AGPAT3: variants seen among roughly 807,000 people sequenced by gnomAD.
AGPAT3 encodes 1-acyl-sn-glycerol-3-phosphate acyltransferase gamma.
A neutral mutation model predicts 47.3 loss-of-function variants in AGPAT3; 5 were observed. That is an observed-to-expected ratio of 0.11 (90% CI 0.06 to 0.22). The LOEUF (loss-of-function observed/expected upper bound fraction) is 0.22, where lower values mean the gene tolerates loss of function less well. AGPAT3 is among the 10% of genes least tolerant of loss of function. AGPAT3 has a pLI of 1.00. For synonymous variants in AGPAT3, 212 were observed against 208.3 expected, an observed-to-expected ratio of 1.02 and a Z score of -0.15; for missense variants, 315 against 493.0, an observed-to-expected ratio of 0.64 and a Z score of 3.42.
At chr21:43,874,893 T>G (rs1377726517) in intron 1 of AGPAT3, among the ~76,000 whole-genome samples, 1 of 152,250 alleles carries the variant, frequency 6.6e-6, no homozygotes, top group Non-Finnish European at 1.5e-5. Flanking sequence ...GAACCCACCA[T>G]GGATACCAAA....
intron 2 of AGPAT3, among the ~76,000 whole-genome samples, chr21:43,929,526 T>A (rs563001881): frequency 7.9e-5 from 12 of 152,328 alleles, no homozygotes; most frequent in African/African-American, 2.9e-4. Context: ...GCAAGTGGGA[T>A]TGGCACACAG....
intron 4 of AGPAT3, 24 bp downstream of exon 4, chr21:43,968,139 C>T (rs1239729809): frequency 6.2e-7 from 1 of 1,601,074 alleles, no homozygotes; most frequent in Non-Finnish European, 8.5e-7. Context: ...TGGGGAGGGC[C>T]ACGGGTGAGC....
In AGPAT3 at chr21:43,932,134, A is replaced by G. The variant is rs532887652; in HGVS notation, c.-48-27500A>G. On this transcript the variant is annotated intron_variant, in intron 2 of 9. Transcript: ENST00000291572. The surrounding 1 kb of genome is among the most constrained non-coding windows in gnomAD (Gnocchi z 5.2). The stretch of plus-strand genomic sequence containing the variant: ...TTGGTGGTGTGGATGTTAAAAATCT[A>G]TTCTTTCCCTGATTTTGAAACATGA... Among the ~76,000 whole-genome samples the G allele has an allele frequency of 6.6e-6, 1 of 152,274 alleles. No homozygotes were observed. The highest frequency in any genetic ancestry group is 1.5e-5 in the Non-Finnish European group (1 of 68,024).
chr21:43,904,729 G>T (rs951025848), intron 2 of AGPAT3, among the ~76,000 whole-genome samples: 1 of 152,170 alleles, frequency 6.6e-6, no homozygotes, highest in Admixed American at 6.5e-5. Context: ...TTCCACCCCC[G>T]TTCCCAGGCC....
At chr21:43,925,117 A>C (rs1359911936) in intron 2 of AGPAT3, 8 of 152,272 alleles carry the variant, frequency 5.3e-5, no homozygotes, top group African/African-American at 1.9e-4. Context: ...GAAGACGGCC[A>C]CGGTGCCCAC....
At position 43,952,308 on chromosome 21, in the gene AGPAT3, G is replaced by C. The variant is rs1170196206; in HGVS notation, c.-48-7326G>C. Among the ~76,000 whole-genome samples, 5 of 152,108 alleles carry C rather than the reference G, an allele frequency of 3.3e-5. No homozygotes were observed. The highest frequency in any genetic ancestry group is 7.4e-5 in the Non-Finnish European group (5 of 68,024). ...AGGACACCGGTCAGATGGAATCAGC[G>C]CCCACCCTGATGATATCATTTAACT... On this transcript the variant is annotated intron_variant, in intron 2 of 9. Transcript: ENST00000291572. The surrounding 1 kb of genome is among the most constrained non-coding windows in gnomAD (Gnocchi z 5.6).
In AGPAT3 at chr21:43,970,341, C is replaced by T. The variant is rs972677249; in HGVS notation, c.511-312C>T. 2.6e-5 allele frequency among the ~76,000 whole-genome samples: 4 copies of T among 152,192 alleles called. No homozygotes were observed. The highest frequency in any genetic ancestry group is 5.9e-5 in the Non-Finnish European group (4 of 68,034). ...ATTTCTAACTCATGCTGTGGCAAGTCGATGAAACCCTCTCTGTTTTCACAC... is the reference window on the plus strand; with the variant it reads ...ATTTCTAACTCATGCTGTGGCAAGTTGATGAAACCCTCTCTGTTTTCACAC... On this transcript the variant is annotated intron_variant, in intron 5 of 9. Transcript: ENST00000291572. The surrounding 1 kb of genome is among the most constrained non-coding windows in gnomAD (Gnocchi z 5.8).
intron 2 of AGPAT3, among the ~76,000 whole-genome samples, chr21:43,928,097 G>A (rs1383695837): frequency 1.3e-5 from 2 of 152,208 alleles, no homozygotes; most frequent in African/African-American, 4.8e-5. Context: ...GCAGCTCCCG[G>A]ACGCAGCAGA....
chr21:43,961,935 A>G (rs1472473561), intron 3 of AGPAT3, among the ~76,000 whole-genome samples: 1 of 152,024 alleles, frequency 6.6e-6, no homozygotes, highest in Non-Finnish European at 1.5e-5. Context: ...CAGAGAGACT[A>G]GTAACCCAGC....
At chr21:43,915,186 G>A (rs1346496142) in intron 2 of AGPAT3, among the ~76,000 whole-genome samples, 1 of 151,582 alleles carries the variant, frequency 6.6e-6, no homozygotes, top group African/African-American at 2.4e-5. Context: ...CGAGTAGCTG[G>A]GATTACAGGT....
chr21:43,960,751 G>A (rs1326990100), intron 3 of AGPAT3: 13 of 985,216 alleles, frequency 1.3e-5, no homozygotes, highest in African/African-American at 1.7e-5. Context: ...AGTTTTAAGC[G>A]AAAAAGGAAG....
chr21:43,938,615 A>T (rs1372757514), intron 2 of AGPAT3, among the ~76,000 whole-genome samples: 1 of 152,122 alleles, frequency 6.6e-6, no homozygotes, highest in African/African-American at 2.4e-5. Flanking sequence ...TATTTTGTTC[A>T]GACACTAACT....
At chr21:43,914,501 T>G (rs2086688735) in intron 2 of AGPAT3, among the ~76,000 whole-genome samples, 1 of 152,198 alleles carries the variant, frequency 6.6e-6, no homozygotes, top group South Asian at 2.1e-4. Context: ...ATTTAAAAAT[T>G]TTTTAAAATA....
chr21:43,926,796 C>CT (rs2087070146), intron 2 of AGPAT3, among the ~76,000 whole-genome samples: 1 of 151,314 alleles, frequency 6.6e-6, no homozygotes. Flanking sequence ...CCCGTCTCTA[C>CT]TAAAAACACA....
rs537602812 is a variant in AGPAT3 at position 43,872,306 on chromosome 21, G to A, written c.-112+6961G>A. On this transcript the variant is annotated intron_variant, in intron 1 of 9. Transcript: ENST00000291572. The stretch of plus-strand genomic sequence containing the variant: ...AGTGATTTTCCTGCTTCAGCCTCCC[G>A]AGTAGCTGAGATTACAGGCATACGC... 1.7e-4 allele frequency among the ~76,000 whole-genome samples: 26 copies of A among 151,692 alleles called. 1 individual carries two copies. The East Asian group carries it at 4.3e-3, about 25-fold the overall frequency.
chr21:43,972,760 C>T (rs1368054629), intron 7 of AGPAT3, among the ~76,000 whole-genome samples: 1 of 152,204 alleles, frequency 6.6e-6, no homozygotes, highest in Non-Finnish European at 1.5e-5. Flanking sequence ...TTGATTCCAG[C>T]ACAAATCATC....
At chr21:43,968,141 C>T (rs536920721) in intron 4 of AGPAT3, 26 bp downstream of exon 4, 28 of 1,290,804 alleles carry the variant, frequency 2.2e-5, no homozygotes, top group Middle Eastern at 4.3e-4. Flanking sequence ...GGGAGGGCCA[C>T]GGGTGAGCAG....
intron 2 of AGPAT3, among the ~76,000 whole-genome samples, chr21:43,957,483 G>A (rs1043478737): frequency 4.6e-5 from 7 of 150,914 alleles, no homozygotes; most frequent in Admixed American, 2.0e-4. Flanking sequence ...TCCACACGGG[G>A]GGTCTCGGGT....
At chr21:43,878,117 C>T (rs1601197620) in intron 1 of AGPAT3, among the ~76,000 whole-genome samples, 2 of 152,160 alleles carry the variant, frequency 1.3e-5, no homozygotes, top group African/African-American at 2.4e-5. Flanking sequence ...AGCCCCCACC[C>T]GTGATGACGC....
Sources: gnomAD v4.1 joint callset for allele counts (sites outside exome capture counted in the v4.1 genomes callset) on GRCh38, gnomAD v4.1.1 for gene constraint, Gnocchi (gnomAD v3.1) non-coding constraint, MANE v1.5 for transcripts, NCBI Gene and HGNC (gene_info 2026-07-23, HGNC 2026-07-21) for gene names.